The following NPLOC4 variants were observed in gnomAD, a reference collection of about 807,000 sequenced individuals.
NPLOC4 encodes the protein NPL4 homolog, ubiquitin recognition factor.
Under a neutral mutation model 80.6 loss-of-function variants are expected in NPLOC4, and 18 were observed. The ratio of observed to expected loss-of-function variants is 0.22; its 90% CI spans 0.15 to 0.33. NPLOC4 has a LOEUF of 0.33. Ranked by LOEUF, NPLOC4 falls within the 10% of genes least tolerant of loss-of-function variation. The probability of loss-of-function intolerance (pLI) is 1.00; values close to 1 mark genes in which losing one functional copy is unlikely to be tolerated. For missense variants in NPLOC4, 540 were observed against 786.1 expected (o/e 0.69, Z 3.74); for synonymous variants, 313 against 301.5 (o/e 1.04, Z -0.39).
intron 7 of NPLOC4, among the ~76,000 whole-genome samples, chr17:81,606,198 TTCTC>T (rs565182014): frequency 9.9e-5 from 15 of 152,092 alleles, no homozygotes; most frequent in Non-Finnish European, 1.0e-4. Context: ...GGCCACGGAA[TTCTC>T]TCTAAGGAGC....
At chr17:81,635,010 G>A (rs978579804) in intron 1 of NPLOC4, among the ~76,000 whole-genome samples, 2 of 152,054 alleles carry the variant, frequency 1.3e-5, no homozygotes, top group Non-Finnish European at 2.9e-5. Context: ...GTACAACATA[G>A]TAGAGACCTC....
At chr17:81,616,060 T>C (rs1287092466) in intron 3 of NPLOC4, among the ~76,000 whole-genome samples, 1 of 152,020 alleles carries the variant, frequency 6.6e-6, no homozygotes, top group African/African-American at 2.4e-5. Context: ...GGCTCACGCC[T>C]GTAATCCCAG....
At position 81,589,850 on chromosome 17, in the gene NPLOC4, C is replaced by CAA. The variant is rs541871324; in HGVS notation, c.1121-748_1121-747dup. ...CTATCTTTACAATAAATCAATCAATCAAAAAAAAAAAAAAAAGATTGTTAA... is the reference window on the plus strand; with the variant it reads ...CTATCTTTACAATAAATCAATCAATCAAAAAAAAAAAAAAAAAAGATTGTTAA... On this transcript the variant is annotated intron_variant, in intron 11 of 16. Coordinates refer to ENST00000331134, the MANE Select transcript of NPLOC4 (RefSeq NM_017921.4). 3.6e-3 allele frequency among the ~76,000 whole-genome samples: 463 copies of CAA among 130,306 alleles called. 2 individuals are homozygous for CAA. Among genetic ancestry groups the CAA allele is most frequent in the African/African-American group, 0.012 (426 of 34,436 alleles). 85.5% of individuals were successfully genotyped at this position (130,306 alleles called of 152,430 possible). A position where few individuals can be genotyped will look rare whatever the true frequency, so the allele number is the denominator to read the frequency against.
At chr17:81,601,733 C>G (rs1323435161) in intron 8 of NPLOC4, among the ~76,000 whole-genome samples, 2 of 152,110 alleles carry the variant, frequency 1.3e-5, no homozygotes, top group Non-Finnish European at 2.9e-5. Flanking sequence ...TTTAAAAGAA[C>G]CATGGCAAAG....
intron 8 of NPLOC4, among the ~76,000 whole-genome samples, chr17:81,603,422 CCT>C (rs1484923859): frequency 8.6e-5 from 13 of 151,704 alleles, no homozygotes; most frequent in Non-Finnish European, 1.6e-4. Context: ...ATAGCGAGAC[CCT>C]GACTCTACCA....
chr17:81,589,486 C>T (rs555037986), intron 11 of NPLOC4, among the ~76,000 whole-genome samples: 3 of 150,182 alleles, frequency 2.0e-5, no homozygotes, highest in South Asian at 2.1e-4. Context: ...TGCAGTGAGC[C>T]GAGATTGTGC....
chr17:81,558,545 A>G lies in NPLOC4; in HGVS notation c.*714T>C, dbSNP rs928568357. 8.5e-5 allele frequency: 13 copies of G among 152,202 alleles called. No individual in the cohort carries two copies. Among genetic ancestry groups the G allele is most frequent in the Non-Finnish European group, 1.8e-4 (12 of 68,036 alleles). The allele number at this position is 152,202 out of a possible 1,614,324, so 9.4% of individuals were successfully genotyped here. A position where few individuals can be genotyped will look rare whatever the true frequency, so the allele number is the denominator to read the frequency against. Reference sequence around the variant, plus strand: ...CACTAAAGGAGGGAAGGATGTGGAAACTAGTCTCTCTCACTCCCCTTTTGT... The same window carrying G: ...CACTAAAGGAGGGAAGGATGTGGAAGCTAGTCTCTCTCACTCCCCTTTTGT... On this transcript the variant is annotated 3_prime_UTR_variant, in exon 17 of 17. Coordinates refer to ENST00000331134, the MANE Select transcript of NPLOC4 (RefSeq NM_017921.4).
chr17:81,620,348 T>C (rs1395093078), intron 3 of NPLOC4, among the ~76,000 whole-genome samples: 1 of 151,746 alleles, frequency 6.6e-6, no homozygotes, highest in Non-Finnish European at 1.5e-5. Flanking sequence ...ATAAAAAAAT[T>C]AGCCAGGCAT....
chr17:81,559,329 C>T lies in NPLOC4; in HGVS notation c.1757G>A (p.Cys586Tyr). The change falls in exon 17 of 17, where the codon TGT (cysteine) becomes TAT (tyrosine). Residue 586 changes from cysteine (C) to tyrosine (Y), a missense_variant. This residue lies in a region of NPLOC4 where 87 missense variants were observed against 70.3 expected (regional missense o/e 1.24). Coordinates refer to ENST00000331134, the MANE Select transcript of NPLOC4 (RefSeq NM_017921.4). ...THTATAAMWA[C>Y]QHCTFMNQPG... Reference sequence around the variant, plus strand: ...CTGGTTCATGAACGTGCAGTGCTGACAGGCCCACATGGCTGCAGTGGCCGT... The same window carrying T: ...CTGGTTCATGAACGTGCAGTGCTGATAGGCCCACATGGCTGCAGTGGCCGT... 6.2e-7 allele frequency: 1 copy of T among 1,606,714 alleles called. No homozygotes were observed.
chr17:81,621,752 G>A (rs1185406177), intron 3 of NPLOC4, among the ~76,000 whole-genome samples: 1 of 152,184 alleles, frequency 6.6e-6, no homozygotes, highest in African/African-American at 2.4e-5. Flanking sequence ...TGAAGGTCCT[G>A]AATGACCAAC....
At chr17:81,615,270 T>A (rs2035450321) in intron 3 of NPLOC4, among the ~76,000 whole-genome samples, 1 of 151,970 alleles carries the variant, frequency 6.6e-6, no homozygotes. Flanking sequence ...CAGATACTTT[T>A]TGTATTTTTA....
At chr17:81,605,421 G>A (rs1056994736) in intron 7 of NPLOC4, among the ~76,000 whole-genome samples, 7 of 151,716 alleles carry the variant, frequency 4.6e-5, no homozygotes, top group African/African-American at 7.3e-5. Flanking sequence ...TGAGGCAGGC[G>A]GATCTCTTGA....
chr17:81,586,123 G>A (rs571098509), intron 12 of NPLOC4, among the ~76,000 whole-genome samples: 5 of 152,242 alleles, frequency 3.3e-5, no homozygotes, highest in Admixed American at 2.6e-4. Context: ...AGGAAGGGGA[G>A]GCAGGGGCCT....
chr17:81,591,447 G>GAAGA (rs2034737621), intron 11 of NPLOC4, among the ~76,000 whole-genome samples: 1 of 76,326 alleles, frequency 1.3e-5, no homozygotes, highest in South Asian at 6.0e-4. Flanking sequence ...GAGTAAAACA[G>GAAGA]AAAAAAAAAA....
intron 1 of NPLOC4, among the ~76,000 whole-genome samples, chr17:81,631,461 TTCC>T (rs1568171180): frequency 4.4e-4 from 20 of 45,776 alleles, no homozygotes; most frequent in African/African-American, 1.8e-3. Context: ...TTTTTTTTTT[TTCC>T]CCCACGGCAA....
chr17:81,581,921 G>T (rs1245754978), intron 12 of NPLOC4, among the ~76,000 whole-genome samples: 1 of 152,228 alleles, frequency 6.6e-6, no homozygotes, highest in Non-Finnish European at 1.5e-5. Flanking sequence ...GCCTCGCTAT[G>T]CCCTGGATGG....
At chr17:81,600,595 C>CT (rs2035036815) in intron 8 of NPLOC4, among the ~76,000 whole-genome samples, 168 bp from the exon 9 acceptor site, 1 of 152,112 alleles carries the variant, frequency 6.6e-6, no homozygotes, top group Non-Finnish European at 1.5e-5. Context: ...CTCCCGGCTT[C>CT]TCTCCTTCTC....
rs184541208 is a variant in NPLOC4 at position 81,610,536 on chromosome 17, G to A, written c.387-278C>T. On this transcript the variant is annotated intron_variant, in intron 4 of 16. Coordinates refer to ENST00000331134, the MANE Select transcript of NPLOC4 (RefSeq NM_017921.4). The stretch of plus-strand genomic sequence containing the variant: ...CAAGCACTCCCACCTCAGCCTCCCC[G>A]AGTATCTGGGACTCCAGGTGTACAC... Among the ~76,000 whole-genome samples the A allele has an allele frequency of 2.1e-3, 312 of 152,132 alleles. 2 individuals carry two copies. Among genetic ancestry groups the A allele is most frequent in the African/African-American group, 7.1e-3 (296 of 41,488 alleles).
chr17:81,605,308 A>G (rs974864446), intron 7 of NPLOC4, among the ~76,000 whole-genome samples: 5 of 150,846 alleles, frequency 3.3e-5, no homozygotes, highest in Admixed American at 2.6e-4. Context: ...AATAATAATA[A>G]TAATCTGCTA....
Sources: allele counts gnomAD v4.1 joint callset (sites outside exome capture counted in the v4.1 genomes callset), GRCh38; gene constraint gnomAD v4.1.1; regional missense constraint gnomAD v4.1.1; transcripts MANE v1.5; gene names NCBI Gene and HGNC (gene_info 2026-07-23, HGNC 2026-07-21).